Variants in CLGN observed in about 807,000 individuals in gnomAD.
CLGN encodes the protein calmegin, also known as testis tissue sperm-binding protein Li 79P.
In CLGN, 62 loss-of-function variants were observed where a neutral mutation model predicts 79.1. The ratio of observed to expected loss-of-function variants is 0.78; its 90% CI spans 0.64 to 0.97. The LOEUF (loss-of-function observed/expected upper bound fraction) is 0.97, where lower values mean the gene tolerates loss of function less well. Ranked by LOEUF, CLGN falls within the 50% of genes least tolerant of loss-of-function variation. The pLI, the probability that CLGN is intolerant of heterozygous loss-of-function variation, is 0.00. For synonymous variants in CLGN, 225 were observed against 224.7 expected (o/e 1.00, Z -0.01); for missense variants, 647 against 715.5 (o/e 0.90, Z 1.09).
intron 8 of CLGN, among the ~76,000 whole-genome samples, chr4:140,397,872 C>G (rs992611090): frequency 2.0e-5 from 3 of 152,208 alleles, no homozygotes; most frequent in African/African-American, 7.2e-5. Flanking sequence ...CCATTGCATT[C>G]TAACCTGGGT....
intron 2 of CLGN, among the ~76,000 whole-genome samples, chr4:140,411,051 G>A (rs888021253): frequency 3.3e-5 from 5 of 152,044 alleles, no homozygotes; most frequent in African/African-American, 1.2e-4. Flanking sequence ...AATTTTCCAA[G>A]ATTAGGAACC....
chr4:140,402,031 C>T lies in CLGN; in HGVS notation c.455G>A (p.Gly152Glu). The change falls in exon 6 of 15, where the codon GGA becomes GAA. Residue 152 changes from glycine (G) to glutamate (E), a missense_variant. Physicochemically the swap from Gly to Glu is moderately conservative, Grantham distance 98. Transcript: ENST00000325617. ...TGCTAGGAGTTTAATGTATGCACCT[C>T]CACAATCAATACCATCTTGAAAATT... ...EVNFQDGIDC[G>E]GAYIKLLADT... The T allele has an allele frequency of 6.3e-7, 1 of 1,582,450 alleles. No individual in the cohort carries two copies.
At position 140,396,314 on chromosome 4, in the gene CLGN, G is replaced by T. The variant is rs1728873288; in HGVS notation, c.885-109C>A. 3 of 971,362 alleles carry T rather than the reference G, an allele frequency of 3.1e-6. No individual in the cohort carries two copies. In the Admixed American group the frequency reaches 6.5e-5, roughly 21 times the overall value. 60.2% of individuals were successfully genotyped at this position (971,362 alleles called of 1,614,324 possible). A position where few individuals can be genotyped will look rare whatever the true frequency, so the allele number is the denominator to read the frequency against. ...ATTTCCCTCCCTTTTGTTTGTGCCT[G>T]TTATTTGTCCTCATCTACTACCCAC... On this transcript the variant is annotated intron_variant, in intron 8 of 14. Transcript: ENST00000325617.
At chr4:140,398,457 C>G (rs538176258) in intron 8 of CLGN, among the ~76,000 whole-genome samples, 7 of 151,640 alleles carry the variant, frequency 4.6e-5, no homozygotes, top group African/African-American at 9.7e-5. Context: ...TTAGTAGAGA[C>G]GGGGTTTCGC....
chr4:140,403,695 T>C (rs1336367609), intron 5 of CLGN, among the ~76,000 whole-genome samples: 3 of 152,228 alleles, frequency 2.0e-5, no homozygotes, highest in Non-Finnish European at 4.4e-5. Context: ...ACAGTTTCAT[T>C]GTTCCATTAT....
intron 1 of CLGN, among the ~76,000 whole-genome samples, chr4:140,419,337 AAAACTT>A (rs1729414668): frequency 6.6e-6 from 1 of 152,198 alleles, no homozygotes; most frequent in Admixed American, 6.5e-5. Flanking sequence ...CATGTACCCT[AAAACTT>A]AAAGTATAAT....
chr4:140,390,688 A>T lies in CLGN; in HGVS notation c.1692T>A (p.Ile564=). Residue 564 remains isoleucine, a synonymous_variant, in exon 14 of 15, where the codon ATT becomes ATA. Coordinates refer to ENST00000325617, the MANE Select transcript of CLGN (RefSeq NM_004362.3). ...TTTCTTCTTGCCCTTCTATGATTTC[A>T]ATTTCTTCTTCACTCTTTTCCTCAG... ...SEPEEKSEEE[I]EIIEGQEESN... 2 of 1,605,266 alleles carry T rather than the reference A, an allele frequency of 1.2e-6. No individual in the cohort carries two copies. The highest frequency in any genetic ancestry group is 2.3e-5 in the East Asian group (1 of 44,382).
chr4:140,417,764 T>C (rs1315458504), intron 1 of CLGN, among the ~76,000 whole-genome samples: 1 of 150,376 alleles, frequency 6.6e-6, no homozygotes, highest in Admixed American at 6.6e-5. Context: ...ATCGTGAAAA[T>C]GGCCATACTG....
intron 1 of CLGN, 81 bp from the exon 2 acceptor site, chr4:140,413,168 C>T (rs1729246894): frequency 3.9e-6 from 4 of 1,035,508 alleles, no homozygotes; most frequent in Non-Finnish European, 4.3e-6. Context: ...TAAATAATTT[C>T]TCCATAATAG....
intron 5 of CLGN, among the ~76,000 whole-genome samples, chr4:140,403,958 G>C (rs1729043972): frequency 6.6e-6 from 1 of 152,164 alleles, no homozygotes; most frequent in Admixed American, 6.5e-5. Context: ...TGTTAGGTGG[G>C]AAAATAAACT....
intron 8 of CLGN, among the ~76,000 whole-genome samples, chr4:140,397,714 A>G (rs371492622): frequency 1.3e-5 from 2 of 151,742 alleles, no homozygotes; most frequent in Non-Finnish European, 2.9e-5. Flanking sequence ...GACCAGCCTG[A>G]CCAACATGGT....
chr4:140,403,661 T>A (rs1729038430), intron 5 of CLGN, among the ~76,000 whole-genome samples: 1 of 152,218 alleles, frequency 6.6e-6, no homozygotes, highest in Admixed American at 6.5e-5. Context: ...AACAATTTTG[T>A]ACAGTGGCTG....
intron 1 of CLGN, among the ~76,000 whole-genome samples, chr4:140,424,988 A>C (rs1210278246): frequency 6.6e-6 from 1 of 152,002 alleles, no homozygotes; most frequent in Non-Finnish European, 1.5e-5. Context: ...CTCCACTACC[A>C]CCCCCAAATT....
intron 4 of CLGN, among the ~76,000 whole-genome samples, chr4:140,408,393 A>G (rs1238136750): frequency 6.6e-6 from 1 of 152,178 alleles, no homozygotes; most frequent in Non-Finnish European, 1.5e-5. Context: ...TAAACAGATA[A>G]CCCACAGTGT....
chr4:140,411,122 T>G (rs1321472040), intron 2 of CLGN, among the ~76,000 whole-genome samples: 2 of 152,100 alleles, frequency 1.3e-5, no homozygotes, highest in African/African-American at 4.8e-5. Context: ...AAAGCGTTGT[T>G]TCAAGTGCCT....
chr4:140,395,225 C>T (rs973506094), intron 10 of CLGN, among the ~76,000 whole-genome samples: 3 of 151,312 alleles, frequency 2.0e-5, no homozygotes, highest in Non-Finnish European at 2.9e-5. Context: ...CAGCTCACTG[C>T]GATCTCCACC....
At chr4:140,425,961 C>T (rs1013567186) in intron 1 of CLGN, among the ~76,000 whole-genome samples, 1 of 152,020 alleles carries the variant, frequency 6.6e-6, no homozygotes, top group East Asian at 1.9e-4. Context: ...ATTTAACACA[C>T]TTTTTGTACA....
At chr4:140,416,447 A>G (rs1729333300) in intron 1 of CLGN, among the ~76,000 whole-genome samples, 1 of 151,346 alleles carries the variant, frequency 6.6e-6, no homozygotes, top group South Asian at 2.1e-4. Flanking sequence ...AAATTGATAG[A>G]CTGCTAGCAA....
intron 5 of CLGN, among the ~76,000 whole-genome samples, chr4:140,404,648 T>G (rs913272653): frequency 4.0e-5 from 6 of 151,420 alleles, no homozygotes; most frequent in African/African-American, 1.5e-4. Context: ...TGGTCCTCTT[T>G]TTTTTTCTTT....
Sources: allele counts gnomAD v4.1 joint callset (sites outside exome capture counted in the v4.1 genomes callset), GRCh38; gene constraint gnomAD v4.1.1; transcripts MANE v1.5; gene names NCBI Gene and HGNC (gene_info 2026-07-23, HGNC 2026-07-21).